Variants in FBN3 observed in about 807,000 individuals in gnomAD.
FBN3 encodes fibrillin-3.
In FBN3, 234 loss-of-function variants were observed where a neutral mutation model predicts 330.1. The ratio of observed to expected loss-of-function variants is 0.71; its 90% CI spans 0.64 to 0.79. FBN3 has a LOEUF of 0.79. Among genes scored for constraint, FBN3 ranks in the 30% least tolerant of loss-of-function variants. The pLI, the probability that FBN3 is intolerant of heterozygous loss-of-function variation, is 0.00. For missense variants in FBN3, 3,606 were observed against 3,886.9 expected, an observed-to-expected ratio of 0.93 and a Z score of 1.92; for synonymous variants, 1,458 against 1,517.3, an observed-to-expected ratio of 0.96 and a Z score of 0.91.
At chr19:8,135,935 T>TTGGGGGGGGGGGGGGGGGGGGGGGGGCGC in intron 13 of FBN3, 26 bp downstream of exon 13, 2 of 1,344,156 alleles carry the variant, frequency 1.5e-6, no homozygotes, top group Non-Finnish European at 2.0e-6. Context: ...CGGAAGCCCC[T>TTGGGGGGGGGGGGGGGGGGGGGGGGGCGC]GCCCACCCGC....
Position 8,081,047 on chromosome 19 carries a change from C to T in FBN3, c.7409G>A (p.Cys2470Tyr), listed in dbSNP as rs571114719. ...CTGGGTGAAGCCGGGCGGACAGCGG[C>T]AGGTGAAGGCGCCCACAGTGTTGAC... ...LCVNTVGAFT[C>Y]RCPPGFTQHH... is the part of the protein sequence containing the mutation. Residue 2470 changes from cysteine (C) to tyrosine (Y), a missense_variant, in exon 59 of 64, where the codon TGC becomes TAC. Coordinates refer to ENST00000600128, the MANE Select transcript of FBN3 (RefSeq NM_032447.5). The T allele has an allele frequency of 6.2e-7, 1 of 1,613,472 alleles. No homozygotes were observed.
intron 47 of FBN3, 111 bp from the exon 48 acceptor site, chr19:8,091,701 G>T: frequency 3.2e-6 from 4 of 1,256,550 alleles, no homozygotes; most frequent in South Asian, 2.8e-5. Context: ...GCCAGGGGCT[G>T]CAGTGGGGCT....
chr19:8,102,381 A>C (rs1409176870), intron 40 of FBN3, among the ~76,000 whole-genome samples: 1 of 151,864 alleles, frequency 6.6e-6, no homozygotes, highest in Non-Finnish European at 1.5e-5. Context: ...CACCCAGCTA[A>C]TTTTTTTGGT....
Position 8,121,961 on chromosome 19 carries a change from C to T in FBN3, c.3083-575G>A, listed in dbSNP as rs2082863439. Among the ~76,000 whole-genome samples, 1 of 151,898 alleles carries T rather than the reference C, an allele frequency of 6.6e-6. No homozygotes were observed. The highest frequency in any genetic ancestry group is 1.5e-5 in the Non-Finnish European group (1 of 68,000). ...ATGGTGTTTCGCCATGTTGGCCAGG[C>T]TGGTCTCAAACTCCTGACCTAAAGC... On this transcript the variant is annotated intron_variant, in intron 24 of 63. Transcript: ENST00000600128. This position sits in a 1 kb window ranked among gnomAD's most constrained non-coding sequence, Gnocchi z 4.5.
At chr19:8,126,413 G>T in intron 20 of FBN3, 55 bp downstream of exon 20, 1 of 1,590,848 alleles carries the variant, frequency 6.3e-7, no homozygotes, top group Admixed American at 1.8e-5. Context: ...GGGGGGACCC[G>T]CCCCATGGAG....
chr19:8,129,356 T>G lies in FBN3; in HGVS notation c.2054A>C (p.Glu685Ala). The change falls in exon 17 of 64, where the codon GAG becomes GCG. Residue 685 changes from glutamate (E) to alanine (A), a missense_variant. Coordinates refer to ENST00000600128, the MANE Select transcript of FBN3 (RefSeq NM_032447.5). This position sits in a 1 kb window ranked among gnomAD's most constrained non-coding sequence, Gnocchi z 4.5. ...GITTDGRDIN[E>A]CALDPEVCAN... ...ACAAACCTCAGGATCCAGAGCACACTCGTTGATGTCTGCGGCAGGAGGAGG... is the reference window on the plus strand; with the variant it reads ...ACAAACCTCAGGATCCAGAGCACACGCGTTGATGTCTGCGGCAGGAGGAGG... The G allele has an allele frequency of 3.7e-6, 6 of 1,613,896 alleles. No homozygotes were observed. Among genetic ancestry groups the G allele is most frequent in the Non-Finnish European group, 5.1e-6 (6 of 1,179,930 alleles).
chr19:8,089,927 C>A lies in FBN3; in HGVS notation c.6217G>T (p.Gly2073Trp). The part of the protein sequence containing the change: ...AFQELCPFGH[G>W]AVPGPDDSRE... ...GAGTCATCCGGGCCTGGGACTGCCCCGTGGCCAAAGGGGCAGAGCTCCTGA... is the reference window on the plus strand; with the variant it reads ...GAGTCATCCGGGCCTGGGACTGCCCAGTGGCCAAAGGGGCAGAGCTCCTGA... The change falls in exon 50 of 64, where the codon GGG becomes TGG. Residue 2073 changes from glycine (G) to tryptophan (W), a missense_variant. By Grantham distance (184) the Gly-to-Trp change is radical (BLOSUM62 -2). Transcript: ENST00000600128. 1 of 1,607,752 alleles carries A rather than the reference C, an allele frequency of 6.2e-7. No individual in the cohort carries two copies. The highest frequency in any genetic ancestry group is 1.3e-5 in the African/African-American group (1 of 74,984).
At chr19:8,091,248 C>G (rs2082088068) in intron 48 of FBN3, among the ~76,000 whole-genome samples, 1 of 152,196 alleles carries the variant, frequency 6.6e-6, no homozygotes, top group South Asian at 2.1e-4. Context: ...TAAGCACACA[C>G]CTAGCTCAGA....
intron 16 of FBN3, among the ~76,000 whole-genome samples, chr19:8,130,620 G>GAA (rs2083111437): frequency 6.3e-5 from 1 of 15,982 alleles, no homozygotes; most frequent in Admixed American, 4.5e-4. Flanking sequence ...AAGAAAGAAA[G>GAA]AAAGAAAGAA....
chr19:8,137,897 G>A (rs906235261), intron 10 of FBN3, among the ~76,000 whole-genome samples: 13 of 152,098 alleles, frequency 8.5e-5, no homozygotes, highest in Non-Finnish European at 1.5e-4. Flanking sequence ...CAAAGTACTG[G>A]GATTATAGGC....
Position 8,121,429 on chromosome 19 carries a change from G to C in FBN3, c.3083-43C>G, listed in dbSNP as rs752495592. 17 of 1,529,468 alleles carry C rather than the reference G, an allele frequency of 1.1e-5. No individual in the cohort carries two copies. Among genetic ancestry groups the C allele is most frequent in the Non-Finnish European group, 1.5e-5 (17 of 1,133,782 alleles). 94.7% of individuals were successfully genotyped at this position (1,529,468 alleles called of 1,614,324 possible). ...AGAGGCCGGAGGCGCCATGTGGGCC[G>C]CATCATGGGGCACGAGGCAGGGGGG... On this transcript the variant is annotated intron_variant, in intron 24 of 63. Coordinates refer to ENST00000600128, the MANE Select transcript of FBN3 (RefSeq NM_032447.5). This position sits in a 1 kb window ranked among gnomAD's most constrained non-coding sequence, Gnocchi z 4.5.
chr19:8,066,365 C>A, intron 63 of FBN3, 105 bp from the exon 64 acceptor site: 1 of 833,076 alleles, frequency 1.2e-6, no homozygotes, highest in Non-Finnish European at 1.9e-6. Context: ...TGGCCAATCT[C>A]TAAAGTGAAG....
chr19:8,122,699 C>G (rs568413626), intron 24 of FBN3, among the ~76,000 whole-genome samples: 1 of 149,616 alleles, frequency 6.7e-6, no homozygotes, highest in South Asian at 2.1e-4. Flanking sequence ...GATGGAGTCT[C>G]TGTCGCCCAG....
At position 8,129,064 on chromosome 19, in the gene FBN3, C is replaced by T. The variant is rs748924114; in HGVS notation, c.2260G>A (p.Gly754Ser). The T allele has an allele frequency of 9.4e-6, 15 of 1,604,098 alleles. No homozygotes were observed. Among genetic ancestry groups the T allele is most frequent in the South Asian group, 3.3e-5 (3 of 90,794 alleles). The part of the protein sequence containing the change: ...PGSYSCSCPP[G>S]FHFWQDTEIC... ...TCCGTGTCCTGCCAGAAGTGGAAGC[C>T]GGGGGGGCAGGAGCAGCTGTAGCTG... Residue 754 changes from glycine to serine, a missense_variant, in exon 18 of 64, where the codon GGC (glycine) becomes AGC (serine). Coordinates refer to ENST00000600128, the MANE Select transcript of FBN3 (RefSeq NM_032447.5). The surrounding 1 kb of genome is among the most constrained non-coding windows in gnomAD (Gnocchi z 4.5).
intron 8 of FBN3, 114 bp downstream of exon 8, chr19:8,141,591 ACAGGGACAAGGT>A: frequency 9.2e-7 from 1 of 1,084,792 alleles, no homozygotes; most frequent in South Asian, 1.6e-5. Context: ...ATCTACATAA[ACAGGGACAAGGT>A]CAGAACTGGG....
intron 14 of FBN3, among the ~76,000 whole-genome samples, chr19:8,132,055 TA>T (rs2083162115): frequency 6.6e-6 from 1 of 152,164 alleles, no homozygotes; most frequent in African/African-American, 2.4e-5. Context: ...TCTCCACCTT[TA>T]AACAAATTTT....
chr19:8,127,476 G>T (rs922549777), intron 18 of FBN3, among the ~76,000 whole-genome samples: 26 of 152,088 alleles, frequency 1.7e-4, no homozygotes, highest in African/African-American at 6.0e-4. Flanking sequence ...CACCAGCAGG[G>T]TGCCCTATAA....
chr19:8,139,028 T>C (rs12460182), intron 8 of FBN3, among the ~76,000 whole-genome samples: 53,730 of 151,254 alleles, frequency 0.36, 10,957 homozygotes, highest in Non-Finnish European at 0.48. Flanking sequence ...CACTCCGGCC[T>C]GGGCAACAGA....
chr19:8,118,995 A>G lies in FBN3; in HGVS notation c.3239T>C (p.Leu1080Pro). Reference protein sequence around the residue: ...MDVDECARDPLLCRGGTCTNT... With the variant: ...MDVDECARDPPLCRGGTCTNT... ...GGTGCAAGTGCCTCCCCGGCAGAGC[A>G]GCGGGTCCCTTGCACACTCGTCCAC... Residue 1080 changes from leucine (L) to proline (P), a missense_variant, in exon 26 of 64, where the codon CTG becomes CCG. Transcript: ENST00000600128. 6.2e-7 allele frequency: 1 copy of G among 1,608,904 alleles called. No homozygotes were observed. The highest frequency in any genetic ancestry group is 1.1e-5 in the South Asian group (1 of 90,910).
Sources: allele counts gnomAD v4.1 joint callset (sites outside exome capture counted in the v4.1 genomes callset), GRCh38; gene constraint gnomAD v4.1.1; non-coding constraint Gnocchi (gnomAD v3.1); transcripts MANE v1.5; gene names NCBI Gene and HGNC (gene_info 2026-07-23, HGNC 2026-07-21).